PRCP: variants seen among roughly 807,000 people sequenced by gnomAD.
PRCP encodes lysosomal Pro-X carboxypeptidase.
PRCP carries 46 observed loss-of-function variants against 54.2 expected under a neutral mutation model. The ratio of observed to expected loss-of-function variants is 0.85; its 90% CI spans 0.67 to 1.09. The LOEUF (loss-of-function observed/expected upper bound fraction) is 1.09, where lower values mean the gene tolerates loss of function less well. PRCP is among the 50% of genes least tolerant of loss of function. The pLI is 0.00. For synonymous variants in PRCP, 240 were observed against 212.2 expected, an observed-to-expected ratio of 1.13 and a Z score of -1.14; for missense variants, 613 against 596.8, an observed-to-expected ratio of 1.03 and a Z score of -0.28.
chr11:82,866,218 C>G (rs964139734), intron 1 of PRCP, among the ~76,000 whole-genome samples: 3 of 152,142 alleles, frequency 2.0e-5, no homozygotes, highest in South Asian at 2.1e-4. Flanking sequence ...AACGGTATCC[C>G]CCAGTGAGTG....
intron 2 of PRCP, among the ~76,000 whole-genome samples, chr11:82,856,448 A>T (rs1355496550): frequency 6.6e-6 from 1 of 152,228 alleles, no homozygotes; most frequent in Admixed American, 6.5e-5. Context: ...GTTCTCACTT[A>T]TAAGCAGGAG....
intron 8 of PRCP, among the ~76,000 whole-genome samples, chr11:82,837,656 T>G (rs553867446): frequency 1.3e-5 from 2 of 152,354 alleles, no homozygotes; most frequent in South Asian, 4.1e-4. Flanking sequence ...ATTAACTTGT[T>G]GCTATTTTAA....
chr11:82,880,384 T>C (rs892731865), intron 1 of PRCP, among the ~76,000 whole-genome samples: 1 of 152,174 alleles, frequency 6.6e-6, no homozygotes, highest in Non-Finnish European at 1.5e-5. Flanking sequence ...GCTAAGACCA[T>C]TGGAAAAGCA....
intron 2 of PRCP, among the ~76,000 whole-genome samples, chr11:82,853,591 G>A (rs1054045662): frequency 9.2e-5 from 14 of 152,134 alleles, no homozygotes; most frequent in African/African-American, 3.1e-4. Flanking sequence ...CATGTACAAA[G>A]AGCCAGTACA....
chr11:82,884,856 A>G (rs761978924), intron 1 of PRCP: 9 of 1,613,588 alleles, frequency 5.6e-6, no homozygotes, highest in Non-Finnish European at 5.1e-6. Context: ...GTTGGATAAT[A>G]CATATGTGCA....
chr11:82,848,802 G>A (rs759793717), intron 6 of PRCP, among the ~76,000 whole-genome samples: 11 of 152,030 alleles, frequency 7.2e-5, no homozygotes, highest in African/African-American at 1.2e-4. Context: ...TTTCTAATTC[G>A]TACAACTCTA....
rs2121033457 is a variant in PRCP at position 82,823,903 on chromosome 11, A to C, written c.*1003T>G. The stretch of plus-strand genomic sequence containing the variant: ...TCAGCTTGTCTTTTGGAAGTCATAC[A>C]GAAAAGTTCTTGTGCACCTGCCTGT... On this transcript the variant is annotated 3_prime_UTR_variant, in exon 9 of 9. Coordinates refer to ENST00000313010, the MANE Select transcript of PRCP (RefSeq NM_005040.4). The C allele has an allele frequency of 6.6e-6, 1 of 152,382 alleles. No individual in the cohort carries two copies. Among genetic ancestry groups the C allele is most frequent in the South Asian group, 2.1e-4 (1 of 4,830 alleles). The allele number at this position is 152,382 out of a possible 1,614,324, so 9.4% of individuals were successfully genotyped here.
At chr11:82,867,690 A>G (rs935068335) in intron 1 of PRCP, among the ~76,000 whole-genome samples, 6 of 152,188 alleles carry the variant, frequency 3.9e-5, no homozygotes, top group African/African-American at 9.7e-5. Context: ...GCGCCCTTAT[A>G]TAAGTAGTAA....
At chr11:82,874,690 CAAAAAAAAAAAA>C (rs36084037) in intron 1 of PRCP, among the ~76,000 whole-genome samples, 2 of 68,834 alleles carry the variant, frequency 2.9e-5, no homozygotes, top group African/African-American at 8.5e-5. Context: ...GACCCTGTCT[CAAAAAAAAAAAA>C]AAAAAAAGAA....
chr11:82,899,262 A>T (rs1860195775), intron 1 of PRCP, among the ~76,000 whole-genome samples: 1 of 152,218 alleles, frequency 6.6e-6, no homozygotes, highest in East Asian at 1.9e-4. Flanking sequence ...ACTTGAAGCC[A>T]GATACTCTGC....
chr11:82,884,243 T>C (rs933311471), intron 1 of PRCP, among the ~76,000 whole-genome samples: 21 of 152,172 alleles, frequency 1.4e-4, no homozygotes, highest in Non-Finnish European at 2.6e-4. Context: ...GCTGGTCATA[T>C]GCCATCAGGA....
rs1858181247 is a variant in PRCP, at chr11:82,824,814, C to T, written c.*92G>A. On this transcript the variant is annotated 3_prime_UTR_variant, in exon 9 of 9. Coordinates refer to ENST00000313010, the MANE Select transcript of PRCP (RefSeq NM_005040.4). Reference sequence around the variant, plus strand: ...TGGCCCCATCAAATCTAATGATAAACAAAAGAAGGTAATTACATGTAGAAA... The same window carrying T: ...TGGCCCCATCAAATCTAATGATAAATAAAAGAAGGTAATTACATGTAGAAA... 2.3e-6 allele frequency: 3 copies of T among 1,302,200 alleles called. No homozygotes were observed. The highest frequency in any genetic ancestry group is 4.1e-5 in the Admixed American group (2 of 48,354). The allele number at this position is 1,302,200 out of a possible 1,614,324, so 80.7% of individuals were successfully genotyped here.
At chr11:82,863,837 C>G (rs886284011) in intron 1 of PRCP, among the ~76,000 whole-genome samples, 9 of 152,178 alleles carry the variant, frequency 5.9e-5, no homozygotes, top group African/African-American at 2.2e-4. Context: ...TCCCAGCAAT[C>G]AGCCTTGATT....
chr11:82,886,034 G>C (rs1451985348), intron 1 of PRCP, among the ~76,000 whole-genome samples: 1 of 152,048 alleles, frequency 6.6e-6, no homozygotes, highest in African/African-American at 2.4e-5. Flanking sequence ...ATAACTCATA[G>C]AGTTATTTTA....
chr11:82,860,721 A>G (rs1859188091), intron 1 of PRCP, among the ~76,000 whole-genome samples: 1 of 152,126 alleles, frequency 6.6e-6, no homozygotes, highest in Non-Finnish European at 1.5e-5. Context: ...TGAACTAAAT[A>G]GACTACTGAA....
chr11:82,830,386 G>C (rs1858349009), intron 8 of PRCP: 1 of 152,050 alleles, frequency 6.6e-6, no homozygotes, highest in Non-Finnish European at 1.5e-5. Flanking sequence ...CCAGCACTTT[G>C]GGAGGCCGAG....
intron 8 of PRCP, chr11:82,829,020 T>A (rs1858312054): frequency 6.6e-6 from 1 of 152,202 alleles, no homozygotes; most frequent in South Asian, 2.1e-4. Flanking sequence ...TTCAAATATA[T>A]CCATAATCTG....
At chr11:82,885,678 G>C (rs927989146) in intron 1 of PRCP, among the ~76,000 whole-genome samples, 5 of 152,158 alleles carry the variant, frequency 3.3e-5, no homozygotes, top group Admixed American at 2.6e-4. Context: ...ACTTTCAAAA[G>C]CAGAATGCAA....
chr11:82,846,437 C>T (rs1858811922), intron 6 of PRCP, among the ~76,000 whole-genome samples: 1 of 151,794 alleles, frequency 6.6e-6, no homozygotes, highest in Non-Finnish European at 1.5e-5. Context: ...ATTTCTCAAG[C>T]AGGGGGCAAG....
Sources: gnomAD v4.1 joint callset for allele counts (sites outside exome capture counted in the v4.1 genomes callset) on GRCh38, gnomAD v4.1.1 for gene constraint, MANE v1.5 for transcripts, NCBI Gene and HGNC (gene_info 2026-07-23, HGNC 2026-07-21) for gene names.